TTC27: variants seen among roughly 807,000 people sequenced by gnomAD.
The protein encoded by TTC27 is tetratricopeptide repeat domain 27, also known as tetratricopeptide repeat protein 27.
A neutral mutation model predicts 115.9 loss-of-function variants in TTC27; 79 were observed. The observed-to-expected ratio is 0.68, with a 90% CI of 0.57 to 0.82. TTC27 has a LOEUF of 0.82. Among genes scored for constraint, TTC27 ranks in the 40% least tolerant of loss-of-function variants. TTC27 has a pLI of 0.00. For missense variants in TTC27, 1,054 were observed against 993.1 expected, an observed-to-expected ratio of 1.06 and a Z score of -0.82; for synonymous variants, 401 against 356.0, an observed-to-expected ratio of 1.13 and a Z score of -1.42.
At chr2:32,695,671 A>T (rs1166972362) in intron 9 of TTC27, among the ~76,000 whole-genome samples, 1 of 144,888 alleles carries the variant, frequency 6.9e-6, no homozygotes, top group Non-Finnish European at 1.5e-5. Context: ...GTGAGCTGAG[A>T]TCGCGCCACC....
intron 16 of TTC27, among the ~76,000 whole-genome samples, chr2:32,798,687 A>T (rs1670805976): frequency 7.0e-6 from 1 of 143,666 alleles, no homozygotes; most frequent in Admixed American, 7.0e-5. Flanking sequence ...CCTGGGCAAC[A>T]GAGCGAGACT....
chr2:32,805,251 T>C (rs1671089130), intron 16 of TTC27, among the ~76,000 whole-genome samples: 1 of 152,118 alleles, frequency 6.6e-6, no homozygotes, highest in Non-Finnish European at 1.5e-5. Flanking sequence ...GGTTGCTGGG[T>C]GGGTTACATG....
intron 2 of TTC27, among the ~76,000 whole-genome samples, chr2:32,633,086 C>T (rs1664275824): frequency 6.6e-6 from 1 of 152,192 alleles, no homozygotes; most frequent in Non-Finnish European, 1.5e-5. Context: ...CAATTAGCAA[C>T]AACTTTATAT....
In TTC27 at chr2:32,628,229, T is replaced by C; in HGVS notation, c.-64T>C. 6.7e-7 allele frequency: 1 copy of C among 1,499,870 alleles called. No individual in the cohort carries two copies. Among genetic ancestry groups the C allele is most frequent in the Non-Finnish European group, 9.1e-7 (1 of 1,094,730 alleles). The allele number at this position is 1,499,870 out of a possible 1,614,324, so 92.9% of individuals were successfully genotyped here. A position where few individuals can be genotyped will look rare whatever the true frequency, so the allele number is the denominator to read the frequency against. ...CCTTTGGACTCTCCTGTTTTCACTT[T>C]CTTTTGTTGACTCCCGTGTGGCCCT... On this transcript the variant is annotated 5_prime_UTR_variant, in exon 1 of 20. Coordinates refer to ENST00000317907, the MANE Select transcript of TTC27 (RefSeq NM_017735.5).
intron 16 of TTC27, among the ~76,000 whole-genome samples, chr2:32,808,028 G>A (rs957382493): frequency 6.7e-6 from 1 of 150,338 alleles, no homozygotes; most frequent in Non-Finnish European, 1.5e-5. Flanking sequence ...CCCCTCCTGG[G>A]TTCAAGTGAT....
At chr2:32,680,395 C>T (rs749271795) in intron 9 of TTC27, among the ~76,000 whole-genome samples, 18 of 151,808 alleles carry the variant, frequency 1.2e-4, no homozygotes, top group Non-Finnish European at 2.5e-4. Flanking sequence ...CTTTTTTGTT[C>T]TGGAGTTTAT....
chr2:32,795,146 A>C (rs1670655500), intron 16 of TTC27, among the ~76,000 whole-genome samples: 1 of 144,894 alleles, frequency 6.9e-6, no homozygotes, highest in Non-Finnish European at 1.5e-5. Context: ...AAAAAAAAAA[A>C]CAAACAAAAC....
At chr2:32,798,122 A>G (rs948804648) in intron 16 of TTC27, among the ~76,000 whole-genome samples, 13 of 152,010 alleles carry the variant, frequency 8.6e-5, no homozygotes, top group Non-Finnish European at 2.9e-5. Context: ...AAAATAGAAA[A>G]TAGGCCAGGC....
chr2:32,711,491 G>T (rs1205574332), intron 10 of TTC27, among the ~76,000 whole-genome samples: 4 of 152,154 alleles, frequency 2.6e-5, no homozygotes, highest in Non-Finnish European at 4.4e-5. Context: ...TACTTTGTTT[G>T]TTGAAGTTAC....
chr2:32,638,123 G>T (rs1418793260), intron 3 of TTC27, among the ~76,000 whole-genome samples: 1 of 152,172 alleles, frequency 6.6e-6, no homozygotes, highest in African/African-American at 2.4e-5. Flanking sequence ...TTGGAAACAT[G>T]GGCTTCACTT....
Position 32,736,833 on chromosome 2 carries a change from T to C in TTC27, c.1452+17T>C. The C allele has an allele frequency of 6.2e-7, 1 of 1,612,462 alleles. No homozygotes were observed. The highest frequency in any genetic ancestry group is 2.2e-5 in the East Asian group (1 of 44,868). ...CACGGAAAGGTATGTAATAGTCCAA[T>C]TTGATGTACTGGTGAGAGCCTTCCC... On this transcript the variant is annotated intron_variant, in intron 12 of 19. Coordinates refer to ENST00000317907, the MANE Select transcript of TTC27 (RefSeq NM_017735.5).
At chr2:32,701,675 A>G (rs943341651) in intron 9 of TTC27, among the ~76,000 whole-genome samples, 2 of 152,176 alleles carry the variant, frequency 1.3e-5, no homozygotes, top group East Asian at 1.9e-4. Context: ...ACTTCTTGCT[A>G]ACCTTTAATG....
rs144271384 is a variant in TTC27, at chr2:32,789,327, T to C, written c.1998+2178T>C. On this transcript the variant is annotated intron_variant, in intron 16 of 19. Transcript: ENST00000317907. ...AAGAATGTTACTTAAATTTCTCTTT[T>C]CTTACCACCCCTACCACCCCCAGAT... 2.2e-4 allele frequency among the ~76,000 whole-genome samples: 33 copies of C among 152,320 alleles called. No homozygotes were observed. In the East Asian group the frequency reaches 5.2e-3, roughly 24 times the overall value.
intron 12 of TTC27, among the ~76,000 whole-genome samples, chr2:32,741,792 T>C (rs1381793470): frequency 6.6e-6 from 1 of 152,214 alleles, no homozygotes; most frequent in Admixed American, 6.5e-5. Context: ...AGTTATCTCA[T>C]TGAAGCAATC....
chr2:32,741,839 G>A (rs1196094545), intron 12 of TTC27, among the ~76,000 whole-genome samples: 1 of 152,064 alleles, frequency 6.6e-6, no homozygotes, highest in African/African-American at 2.4e-5. Flanking sequence ...ACTGCATGTG[G>A]CAGAAGATAC....
chr2:32,717,441 A>G (rs914441372), intron 10 of TTC27, among the ~76,000 whole-genome samples: 7 of 152,196 alleles, frequency 4.6e-5, no homozygotes, highest in South Asian at 2.1e-4. Flanking sequence ...AGCTGTCACA[A>G]GAATCAAGGT....
chr2:32,686,090 C>T (rs1482839549), intron 9 of TTC27, among the ~76,000 whole-genome samples: 2 of 152,098 alleles, frequency 1.3e-5, no homozygotes, highest in African/African-American at 4.8e-5. Context: ...TTGCAATAGC[C>T]TTAAATAAAT....
At chr2:32,678,061 G>C (rs1340317923) in intron 8 of TTC27, among the ~76,000 whole-genome samples, 1 of 152,032 alleles carries the variant, frequency 6.6e-6, no homozygotes, top group Non-Finnish European at 1.5e-5. Context: ...TTCAAGACCA[G>C]CCTGGACAAC....
At chr2:32,666,824 A>G (rs959591918) in intron 7 of TTC27, 56 bp downstream of exon 7, 167 of 1,579,752 alleles carry the variant, frequency 1.1e-4, no homozygotes, top group Admixed American at 8.6e-5. Flanking sequence ...AAGAATTTCA[A>G]TAGCTGAGTA....
Sources: allele counts gnomAD v4.1 joint callset (sites outside exome capture counted in the v4.1 genomes callset), GRCh38; gene constraint gnomAD v4.1.1; transcripts MANE v1.5; gene names NCBI Gene and HGNC (gene_info 2026-07-23, HGNC 2026-07-21).